Variants in NRG3 observed in about 807,000 individuals in gnomAD.
NRG3 encodes neuregulin 3.
In NRG3, 31 loss-of-function variants were observed where a neutral mutation model predicts 66.9. That is an observed-to-expected ratio of 0.46 (90% CI 0.35 to 0.63). NRG3 has a LOEUF of 0.63. NRG3 is among the 20% of genes least tolerant of loss of function. NRG3 has a pLI of 0.00. For synonymous variants in NRG3, 393 were observed against 359.4 expected, an observed-to-expected ratio of 1.09 and a Z score of -1.06; for missense variants, 910 against 878.9, an observed-to-expected ratio of 1.04 and a Z score of -0.45.
chr10:82,204,810 G>T (rs1265759586), intron 1 of NRG3, among the ~76,000 whole-genome samples: 1 of 152,150 alleles, frequency 6.6e-6, no homozygotes, highest in Non-Finnish European at 1.5e-5. Flanking sequence ...CAGTGAAGTG[G>T]CTATTTAAGC....
intron 3 of NRG3, among the ~76,000 whole-genome samples, chr10:82,786,053 C>T (rs2060347864): frequency 6.6e-6 from 1 of 152,138 alleles, no homozygotes; most frequent in African/African-American, 2.4e-5. Flanking sequence ...GATGGTGCCA[C>T]CCCGGAGAGC....
intron 1 of NRG3, among the ~76,000 whole-genome samples, chr10:82,309,490 G>A (rs2080915942): frequency 6.6e-6 from 1 of 151,852 alleles, no homozygotes; most frequent in South Asian, 2.1e-4. Flanking sequence ...TAGGTTTACA[G>A]TCTCTTAAGA....
rs1054788704 is a variant in NRG3, at chr10:82,129,483, T to A, written c.824-229256T>A. Among the ~76,000 whole-genome samples, 3 of 152,302 alleles carry A rather than the reference T, an allele frequency of 2.0e-5. No homozygotes were observed. The East Asian group carries it at 5.8e-4, about 29-fold the overall frequency. ...GAGATATTTTGATACAGGTGTGCAA[T>A]GCAAAATAATCACATTAGGGTAAAT... is the stretch of plus-strand genomic sequence containing the variant. On this transcript the variant is annotated intron_variant, in intron 1 of 8. Transcript: ENST00000372141.
intron 2 of NRG3, among the ~76,000 whole-genome samples, chr10:82,730,446 T>C (rs958320644): frequency 6.6e-6 from 1 of 152,220 alleles, no homozygotes; most frequent in African/African-American, 2.4e-5. Context: ...CAGAGTGACA[T>C]TTTAAGCAAT....
chr10:82,283,304 A>G (rs923930003), intron 1 of NRG3, among the ~76,000 whole-genome samples: 2 of 152,090 alleles, frequency 1.3e-5, no homozygotes, highest in Non-Finnish European at 2.9e-5. Flanking sequence ...GTGGCTTCTC[A>G]TATTTGTTTG....
chr10:82,865,101 A>T (rs1472045691), intron 3 of NRG3, among the ~76,000 whole-genome samples: 1 of 152,204 alleles, frequency 6.6e-6, no homozygotes, highest in African/African-American at 2.4e-5. Flanking sequence ...TGTTCATGGT[A>T]TAACAATTTT....
intron 2 of NRG3, among the ~76,000 whole-genome samples, chr10:82,558,627 C>T (rs1002544458): frequency 2.6e-5 from 4 of 152,154 alleles, no homozygotes; most frequent in African/African-American, 9.7e-5. Context: ...TGAAGTCTAC[C>T]TGATGTGCCA....
chr10:82,354,554 C>G (rs1412376561), intron 1 of NRG3, among the ~76,000 whole-genome samples: 1 of 152,032 alleles, frequency 6.6e-6, no homozygotes, highest in African/African-American at 2.4e-5. Flanking sequence ...CCATGCCTGG[C>G]TAATTTTTTG....
chr10:82,777,945 A>C (rs922762412), intron 3 of NRG3, among the ~76,000 whole-genome samples: 1 of 152,202 alleles, frequency 6.6e-6, no homozygotes, highest in Admixed American at 6.5e-5. Context: ...TTCAGATTCC[A>C]AAAGGCTTGT....
intron 1 of NRG3, among the ~76,000 whole-genome samples, chr10:82,056,328 G>A (rs1439254358): frequency 2.0e-5 from 3 of 151,902 alleles, no homozygotes; most frequent in African/African-American, 7.3e-5. Flanking sequence ...AAGGATTAGT[G>A]TATTTGAAAA....
At position 82,369,648 on chromosome 10, in the gene NRG3, C is replaced by T. The variant is rs1466042943; in HGVS notation, c.953+10780C>T. On this transcript the variant is annotated intron_variant, in intron 2 of 8. Transcript: ENST00000372141. ...TAATGGGAAATTTTAATAACTTTCT[C>T]TGTAAAATAAGCATAATCCAAGGAT... Among the ~76,000 whole-genome samples the T allele has an allele frequency of 2.2e-5, 3 of 138,584 alleles. 1 individual carries two copies. The highest frequency in any genetic ancestry group is 1.0e-4 in the African/African-American group (3 of 29,882). The allele number at this position is 138,584 out of a possible 152,430, so 90.9% of individuals were successfully genotyped here. A position where few individuals can be genotyped will look rare whatever the true frequency, so the allele number is the denominator to read the frequency against.
In NRG3 at chr10:81,926,013, G is replaced by A. The variant is rs142116574; in HGVS notation, c.823+49850G>A. Reference sequence around the variant, plus strand: ...TCAGCTATAGGAAAAATTGGCCGTGGCATAGACAGCAGTAAGATTGGGATG... The same window carrying A: ...TCAGCTATAGGAAAAATTGGCCGTGACATAGACAGCAGTAAGATTGGGATG... On this transcript the variant is annotated intron_variant, in intron 1 of 8. Coordinates refer to ENST00000372141, the MANE Select transcript of NRG3 (RefSeq NM_001010848.4). 6.6e-4 allele frequency among the ~76,000 whole-genome samples: 101 copies of A among 152,180 alleles called. No individual in the cohort carries two copies. In the East Asian group the frequency reaches 0.016, roughly 25 times the overall value.
chr10:81,982,485 T>G (rs2060365158), intron 1 of NRG3, among the ~76,000 whole-genome samples: 1 of 152,160 alleles, frequency 6.6e-6, no homozygotes. Flanking sequence ...TCCCACATCG[T>G]GGTACCAAAA....
chr10:82,409,594 T>C (rs1010188194), intron 2 of NRG3, among the ~76,000 whole-genome samples: 17 of 152,176 alleles, frequency 1.1e-4, no homozygotes, highest in African/African-American at 4.1e-4. Context: ...GGATGGCTCA[T>C]TGTCAGAAAA....
intron 1 of NRG3, among the ~76,000 whole-genome samples, chr10:82,305,456 A>G (rs1206336683): frequency 6.6e-6 from 1 of 152,188 alleles, no homozygotes; most frequent in Non-Finnish European, 1.5e-5. Flanking sequence ...GAATTTTATA[A>G]GCATCATGAT....
intron 1 of NRG3, among the ~76,000 whole-genome samples, chr10:82,068,739 G>A (rs1253270185): frequency 1.3e-5 from 2 of 152,154 alleles, no homozygotes; most frequent in Non-Finnish European, 2.9e-5. Flanking sequence ...AGAGACAGTG[G>A]GAAGAAATGA....
chr10:82,384,789 AT>A (rs1307143274), intron 2 of NRG3, among the ~76,000 whole-genome samples: 5 of 152,220 alleles, frequency 3.3e-5, no homozygotes, highest in African/African-American at 1.2e-4. Flanking sequence ...CTTTGGGTAT[AT>A]ACCCAGTAAT....
intron 1 of NRG3, among the ~76,000 whole-genome samples, chr10:82,161,930 T>C (rs2071632887): frequency 1.3e-5 from 2 of 152,142 alleles, no homozygotes; most frequent in Non-Finnish European, 2.9e-5. Context: ...GATTATTGCA[T>C]GAATATATTC....
intron 2 of NRG3, among the ~76,000 whole-genome samples, chr10:82,714,538 T>C (rs1424324969): frequency 6.6e-6 from 1 of 152,168 alleles, no homozygotes; most frequent in Non-Finnish European, 1.5e-5. Flanking sequence ...TTATCTTCTA[T>C]AAACTTGTAC....
Sources: gnomAD v4.1 joint callset for allele counts (sites outside exome capture counted in the v4.1 genomes callset) on GRCh38, gnomAD v4.1.1 for gene constraint, MANE v1.5 for transcripts, NCBI Gene and HGNC (gene_info 2026-07-23, HGNC 2026-07-21) for gene names.